The following DCLK2 variants were observed in gnomAD, a reference collection of about 807,000 sequenced individuals.
The protein encoded by DCLK2 is doublecortin like kinase 2.
In DCLK2, 31 loss-of-function variants were observed where a neutral mutation model predicts 78.4. The ratio of observed to expected loss-of-function variants is 0.40; its 90% confidence interval spans 0.30 to 0.53. DCLK2 has a LOEUF of 0.53. Ranked by LOEUF, DCLK2 falls within the 20% of genes least tolerant of loss-of-function variation. DCLK2 has a pLI of 0.61. For synonymous variants in DCLK2, 407 were observed against 374.9 expected (o/e 1.09, Z -0.99); for missense variants, 872 against 973.7 (o/e 0.90, Z 1.39).
intron 2 of DCLK2, among the ~76,000 whole-genome samples, chr4:150,112,349 A>C (rs1405294755): frequency 1.3e-5 from 2 of 152,326 alleles, no homozygotes; most frequent in South Asian, 4.1e-4. Flanking sequence ...TTAGGAGCAG[A>C]GAAATCTTTA....
chr4:150,165,769 C>G (rs1482628781), intron 2 of DCLK2, among the ~76,000 whole-genome samples: 1 of 152,116 alleles, frequency 6.6e-6, no homozygotes, highest in African/African-American at 2.4e-5. Context: ...AATGTGTCCC[C>G]CAAAAGTTCA....
intron 5 of DCLK2, among the ~76,000 whole-genome samples, chr4:150,207,874 A>G (rs1739955813): frequency 6.6e-6 from 1 of 152,156 alleles, no homozygotes; most frequent in Non-Finnish European, 1.5e-5. Flanking sequence ...GTCCCTGGCA[A>G]TTGGTATAGA....
At chr4:150,194,908 G>T (rs1004474252) in intron 3 of DCLK2, among the ~76,000 whole-genome samples, 1 of 151,394 alleles carries the variant, frequency 6.6e-6, no homozygotes, top group Non-Finnish European at 1.5e-5. Flanking sequence ...GTTGCACTGT[G>T]TCAGTCATTC....
intron 2 of DCLK2, among the ~76,000 whole-genome samples, chr4:150,163,827 G>A (rs1395242948): frequency 1.3e-5 from 2 of 152,208 alleles, no homozygotes; most frequent in Non-Finnish European, 2.9e-5. Flanking sequence ...GAATGATTAT[G>A]ATTGAGATGA....
Position 150,257,008 on chromosome 4 carries a change from A to G in DCLK2, c.*761A>G, listed in dbSNP as rs1744616493. ...AGCTCTTCCCACACGTGTGTTAGGA[A>G]ATGCCCGTGAACTTGCCCTCTGGGC... On this transcript the variant is annotated 3_prime_UTR_variant, in exon 16 of 16. Transcript: ENST00000296550. 1 of 152,232 alleles carries G rather than the reference A, an allele frequency of 6.6e-6. No homozygotes were observed. Among genetic ancestry groups the G allele is most frequent in the Admixed American group, 6.5e-5 (1 of 15,282 alleles). The allele number at this position is 152,232 out of a possible 1,614,324, so 9.4% of individuals were successfully genotyped here. A position where few individuals can be genotyped will look rare whatever the true frequency, so the allele number is the denominator to read the frequency against.
In DCLK2 at chr4:150,114,987, A is replaced by G. The variant is rs561239267; in HGVS notation, c.756+12175A>G. Among the ~76,000 whole-genome samples, 397 of 152,158 alleles carry G rather than the reference A, an allele frequency of 2.6e-3. 1 individual carries two copies. The highest frequency in any genetic ancestry group is 9.3e-3 in the African/African-American group (385 of 41,522). On this transcript the variant is annotated intron_variant, in intron 2 of 15. Transcript: ENST00000296550. ...ATTATTCTTTCAAATAAGTTTTCCAACCTTTTTGCTTTCTCTTCTCCCTCT... is the reference window on the plus strand; with the variant it reads ...ATTATTCTTTCAAATAAGTTTTCCAGCCTTTTTGCTTTCTCTTCTCCCTCT...
intron 2 of DCLK2, among the ~76,000 whole-genome samples, chr4:150,112,094 G>A (rs1404627833): frequency 6.6e-6 from 1 of 152,072 alleles, no homozygotes; most frequent in Non-Finnish European, 1.5e-5. Context: ...CAATCCATGA[G>A]CATGGTATGT....
intron 2 of DCLK2, among the ~76,000 whole-genome samples, chr4:150,135,900 G>A (rs753478935): frequency 9.2e-5 from 14 of 152,226 alleles, no homozygotes; most frequent in Non-Finnish European, 2.1e-4. Context: ...CTTTGAAAGT[G>A]AGATGGAAAC....
intron 10 of DCLK2, among the ~76,000 whole-genome samples, chr4:150,234,378 T>A (rs1742318679): frequency 6.6e-6 from 1 of 152,182 alleles, no homozygotes; most frequent in Admixed American, 6.5e-5. Context: ...TATCTTTATA[T>A]CTCCAATGGT....
At chr4:150,248,466 A>G in intron 14 of DCLK2, 81 bp downstream of exon 14, 1 of 1,212,078 alleles carries the variant, frequency 8.3e-7, no homozygotes, top group South Asian at 1.2e-5. Context: ...ATGTTTGCAC[A>G]TGCAAAAGTT....
chr4:150,195,555 T>G (rs1359709286), intron 3 of DCLK2, among the ~76,000 whole-genome samples: 1 of 131,784 alleles, frequency 7.6e-6, no homozygotes, highest in African/African-American at 2.9e-5. Context: ...TCATAATATT[T>G]CTTTGATGTC....
At chr4:150,111,372 G>A (rs1334888487) in intron 2 of DCLK2, among the ~76,000 whole-genome samples, 1 of 152,104 alleles carries the variant, frequency 6.6e-6, no homozygotes, top group East Asian at 1.9e-4. Flanking sequence ...TGTAGATTCT[G>A]GGTATTGGTC....
chr4:150,096,093 G>A (rs1730442192), intron 1 of DCLK2, among the ~76,000 whole-genome samples: 2 of 152,176 alleles, frequency 1.3e-5, no homozygotes, highest in Non-Finnish European at 2.9e-5. Flanking sequence ...CCCAGACATG[G>A]GGCTCTTTAC....
intron 12 of DCLK2, among the ~76,000 whole-genome samples, chr4:150,243,856 C>T (rs1743099177): frequency 7.7e-6 from 1 of 129,330 alleles, no homozygotes; most frequent in South Asian, 3.1e-4. Flanking sequence ...CACACACCAC[C>T]ATGCCCAGCT....
intron 2 of DCLK2, among the ~76,000 whole-genome samples, chr4:150,165,241 T>G (rs546044144): frequency 6.6e-6 from 1 of 152,334 alleles, no homozygotes; most frequent in African/African-American, 2.4e-5. Flanking sequence ...AGTGTTTAAT[T>G]CTGTGGTTTC....
chr4:150,175,399 G>C (rs1381626848), intron 2 of DCLK2: 2 of 151,578 alleles, frequency 1.3e-5, no homozygotes, highest in Non-Finnish European at 2.9e-5. Flanking sequence ...CAGCAATTGT[G>C]GTCTCCAGAT....
chr4:150,110,979 T>G (rs1731649796), intron 2 of DCLK2, among the ~76,000 whole-genome samples: 1 of 152,198 alleles, frequency 6.6e-6, no homozygotes, highest in African/African-American at 2.4e-5. Context: ...TAATGGCTTC[T>G]TTTCCTTTGT....
Position 150,249,573 on chromosome 4 carries a change from T to C in DCLK2, c.1962T>C (p.Asp654=). 1.9e-6 allele frequency: 3 copies of C among 1,612,686 alleles called. No individual in the cohort carries two copies. The highest frequency in any genetic ancestry group is 2.5e-6 in the Non-Finnish European group (3 of 1,178,982). ...QILSHPWVSD[D]ASQENNMQAE... is the part of the protein sequence containing the mutation. ...GATTGTTTTCTTTCCTGTAGGATGA[T>C]GCCTCCCAGGAGAATAACATGCAAG... The change falls in exon 15 of 16, where the codon GAT becomes GAC. Residue 654 remains aspartate, a synonymous_variant. Coordinates refer to ENST00000296550, the MANE Select transcript of DCLK2 (RefSeq NM_001040260.4).
At chr4:150,240,089 A>G (rs1410601963) in intron 11 of DCLK2, among the ~76,000 whole-genome samples, 1 of 151,860 alleles carries the variant, frequency 6.6e-6, no homozygotes, top group Non-Finnish European at 1.5e-5. Flanking sequence ...AAGAAGTGAG[A>G]GTCTGTTGCC....
Sources: allele counts gnomAD v4.1 joint callset (sites outside exome capture counted in the v4.1 genomes callset), GRCh38; gene constraint gnomAD v4.1.1; transcripts MANE v1.5; gene names NCBI Gene and HGNC (gene_info 2026-07-23, HGNC 2026-07-21).